The following LPP variants were observed in gnomAD, a reference collection of about 807,000 sequenced individuals.
LPP encodes LIM domain containing preferred translocation partner in lipoma.
In LPP, 38 loss-of-function variants were observed where a neutral mutation model predicts 60.4. The ratio of observed to expected loss-of-function variants is 0.63; its 90% CI spans 0.49 to 0.83. The LOEUF (loss-of-function observed/expected upper bound fraction) is 0.83. LPP is among the 40% of genes least tolerant of loss of function. The probability of loss-of-function intolerance (pLI) is 0.00; values close to 1 mark genes in which losing one functional copy is unlikely to be tolerated. For missense variants in LPP, 902 were observed against 783.6 expected, an observed-to-expected ratio of 1.15 and a Z score of -1.80; for synonymous variants, 328 against 290.8, an observed-to-expected ratio of 1.13 and a Z score of -1.30.
At chr3:188,637,536 A>T (rs1849076262) in intron 7 of LPP, among the ~76,000 whole-genome samples, 1 of 150,258 alleles carries the variant, frequency 6.7e-6, no homozygotes, top group Non-Finnish European at 1.5e-5. Flanking sequence ...AAGGAAATAG[A>T]TACATAAAAA....
At chr3:188,550,785 G>T (rs4263284) in intron 6 of LPP, among the ~76,000 whole-genome samples, 68,055 of 151,734 alleles carry the variant, frequency 0.45, 16,345 homozygotes, top group East Asian at 0.92. Context: ...GTTTAAAAAG[G>T]TTGCAGCCCT....
Position 188,396,351 on chromosome 3 carries a change from A to C in LPP, c.-9-9761A>C, listed in dbSNP as rs75753729. Among the ~76,000 whole-genome samples, 3 of 152,362 alleles carry C rather than the reference A, an allele frequency of 2.0e-5. No individual in the cohort carries two copies. In the East Asian group the frequency reaches 5.8e-4, roughly 29 times the overall value. On this transcript the variant is annotated intron_variant, in intron 3 of 11. Transcript: ENST00000617246. ...AAAATACAAACAGAATCATTAAAAAATTAAGATAATTAGAACATCCTAAAG... is the reference window on the plus strand; with the variant it reads ...AAAATACAAACAGAATCATTAAAAACTTAAGATAATTAGAACATCCTAAAG...
chr3:188,695,651 A>G (rs901148831), intron 7 of LPP, among the ~76,000 whole-genome samples: 12 of 152,184 alleles, frequency 7.9e-5, no homozygotes, highest in African/African-American at 2.4e-4. Flanking sequence ...GGAACAAAAA[A>G]CTTGTGAAAT....
In LPP at chr3:188,878,040, T is replaced by C. The variant is rs947262251; in HGVS notation, c.*3561T>C. ...CTACATTTAAACAAGTATTTTATAT[T>C]TGGGTACAGAGGAAGAAAGAGAGGG... On this transcript the variant is annotated 3_prime_UTR_variant, in exon 12 of 12. Coordinates refer to ENST00000617246, the MANE Select transcript of LPP (RefSeq NM_001375462.1). 2.3e-5 allele frequency: 5 copies of C among 218,582 alleles called. 1 individual carries two copies. Among genetic ancestry groups the C allele is most frequent in the Middle Eastern group, 2.8e-3 (2 of 706 alleles). The allele number at this position is 218,582 out of a possible 1,614,324, so 13.5% of individuals were successfully genotyped here.
At chr3:188,641,633 T>C (rs761894772) in intron 7 of LPP, among the ~76,000 whole-genome samples, 6 of 152,234 alleles carry the variant, frequency 3.9e-5, no homozygotes, top group Non-Finnish European at 8.8e-5. Context: ...TTATGTGTTT[T>C]GCAAGGCTCT....
chr3:188,704,829 G>A (rs1051617351), intron 7 of LPP, among the ~76,000 whole-genome samples: 3 of 151,674 alleles, frequency 2.0e-5, no homozygotes, highest in Non-Finnish European at 4.4e-5. Context: ...ACTTGTCCAC[G>A]TTCTTACCCA....
chr3:188,842,325 T>A (rs1399969469), intron 9 of LPP, among the ~76,000 whole-genome samples: 1 of 152,256 alleles, frequency 6.6e-6, no homozygotes, highest in African/African-American at 2.4e-5. Context: ...GTATGTCTTT[T>A]GAGAAATATC....
intron 7 of LPP, among the ~76,000 whole-genome samples, chr3:188,674,061 T>C (rs1857489436): frequency 6.6e-6 from 1 of 152,080 alleles, no homozygotes; most frequent in African/African-American, 2.4e-5. Flanking sequence ...ACAAACACAA[T>C]ACCTTTCTGG....
intron 6 of LPP, among the ~76,000 whole-genome samples, chr3:188,533,097 T>C (rs1435934102): frequency 6.6e-6 from 1 of 152,130 alleles, no homozygotes; most frequent in African/African-American, 2.4e-5. Context: ...TTCAGGTATA[T>C]GTGTGTTGTA....
intron 9 of LPP, among the ~76,000 whole-genome samples, chr3:188,794,745 T>C (rs542235281): frequency 3.3e-5 from 5 of 152,188 alleles, no homozygotes; most frequent in African/African-American, 1.2e-4. Flanking sequence ...TTTTTCTTTA[T>C]TGGACAAGAG....
At chr3:188,371,477 T>A (rs1773051395) in intron 3 of LPP, among the ~76,000 whole-genome samples, 1 of 150,800 alleles carries the variant, frequency 6.6e-6, no homozygotes, top group Admixed American at 6.6e-5. Context: ...ACTGGAACTG[T>A]GGACATCTGG....
In LPP at chr3:188,394,794, A is replaced by G. The variant is rs546271930; in HGVS notation, c.-9-11318A>G. On this transcript the variant is annotated intron_variant, in intron 3 of 11. Transcript: ENST00000617246. ...CCTGGTTCATTTTTACTGTGTTGCC[A>G]TTGGTTAATGCTTAACCAGATTTTG... 1.2e-4 allele frequency among the ~76,000 whole-genome samples: 18 copies of G among 152,318 alleles called. No individual in the cohort carries two copies. In the East Asian group the frequency reaches 3.3e-3, roughly 28 times the overall value.
intron 2 of LPP, among the ~76,000 whole-genome samples, chr3:188,330,849 A>AAGTC (rs1275549181): frequency 9.4e-6 from 1 of 106,642 alleles, no homozygotes; most frequent in African/African-American, 3.7e-5. Context: ...GTAAGTAAGT[A>AAGTC]AGTAAGTAAG....
At chr3:188,846,554 G>A (rs1433975393) in intron 9 of LPP, among the ~76,000 whole-genome samples, 1 of 151,742 alleles carries the variant, frequency 6.6e-6, no homozygotes, top group African/African-American at 2.4e-5. Context: ...CATGGTGGCG[G>A]GCACCTTTAG....
At chr3:188,636,726 G>A (rs1434043476) in intron 7 of LPP, among the ~76,000 whole-genome samples, 3 of 152,018 alleles carry the variant, frequency 2.0e-5, no homozygotes, top group African/African-American at 7.3e-5. Context: ...TGGGCAGACT[G>A]CCTCCTCAAG....
intron 7 of LPP, among the ~76,000 whole-genome samples, chr3:188,645,231 A>G (rs1850885951): frequency 6.6e-6 from 1 of 150,896 alleles, no homozygotes; most frequent in Admixed American, 6.6e-5. Flanking sequence ...CCCTTGTCCT[A>G]CTTCTCAGTT....
intron 6 of LPP, among the ~76,000 whole-genome samples, chr3:188,538,858 C>T (rs751759053): frequency 1.5e-4 from 23 of 152,072 alleles, no homozygotes; most frequent in Non-Finnish European, 2.9e-4. Context: ...TAAAAAGGAA[C>T]GAAGCTCTGC....
chr3:188,266,798 C>A lies in LPP; in HGVS notation c.-67+41271C>A, dbSNP rs575079964. 2.6e-5 allele frequency among the ~76,000 whole-genome samples: 4 copies of A among 152,248 alleles called. No individual in the cohort carries two copies. In the South Asian group the frequency reaches 8.3e-4, roughly 32 times the overall value. On this transcript the variant is annotated intron_variant, in intron 2 of 11. Coordinates refer to ENST00000617246, the MANE Select transcript of LPP (RefSeq NM_001375462.1). Reference sequence around the variant, plus strand: ...TTGCATAGCTCTTCCAGAAATATTTCTTGACGCACTTATTTAGCACTTTCT... The same window carrying A: ...TTGCATAGCTCTTCCAGAAATATTTATTGACGCACTTATTTAGCACTTTCT...
chr3:188,554,450 A>G (rs1382261337), intron 6 of LPP, among the ~76,000 whole-genome samples: 1 of 152,180 alleles, frequency 6.6e-6, no homozygotes, highest in Non-Finnish European at 1.5e-5. Flanking sequence ...ATGGAACACT[A>G]GAGATTTACA....
Sources: gnomAD v4.1 joint callset for allele counts (sites outside exome capture counted in the v4.1 genomes callset) on GRCh38, gnomAD v4.1.1 for gene constraint, MANE v1.5 for transcripts, NCBI Gene and HGNC (gene_info 2026-07-23, HGNC 2026-07-21) for gene names.